SLC6A14: variants seen among roughly 807,000 people sequenced by gnomAD.
SLC6A14 encodes the protein solute carrier family 6 member 14, also known as sodium- and chloride-dependent neutral and basic amino acid transporter B(0+).
Under a neutral mutation model 51.4 loss-of-function variants are expected in SLC6A14, and 21 were observed. That is an observed-to-expected ratio of 0.41 (90% CI 0.29 to 0.59). The LOEUF (loss-of-function observed/expected upper bound fraction) is 0.59, where lower values mean the gene tolerates loss of function less well. Ranked by LOEUF, SLC6A14 falls within the 20% of genes least tolerant of loss-of-function variation. The pLI, the probability that SLC6A14 is intolerant of heterozygous loss-of-function variation, is 0.31. For missense variants in SLC6A14, 371 were observed against 472.8 expected (o/e 0.78, Z 2.00); for synonymous variants, 177 against 160.7 (o/e 1.10, Z -0.77).
Position 116,443,758 on chromosome X carries a change from G to A in SLC6A14, c.624G>A (p.Gln208=). The A allele has an allele frequency of 3.3e-6, 4 of 1,205,258 alleles. No individual in the cohort carries two copies. The highest frequency in any genetic ancestry group is 4.5e-6 in the Non-Finnish European group (4 of 892,256). The change falls in exon 5 of 14, where the codon CAG becomes CAA. Residue 208 remains glutamine, a synonymous_variant. Transcript: ENST00000598581. Reference sequence around the variant, plus strand: ...GCATCAACGGCAGTGAAATTTATCAGCCAGGGCAGCTTCCCAGTGAACAAT... The same window carrying A: ...GCATCAACGGCAGTGAAATTTATCAACCAGGGCAGCTTCCCAGTGAACAAT... ...FTCINGSEIY[Q]PGQLPSEQYW... is the part of the protein sequence containing the mutation.
At chrX:116,455,545 A>G (rs1927918067) in intron 12 of SLC6A14, 79 bp downstream of exon 12, 2 of 661,490 alleles carry the variant, frequency 3.0e-6, no homozygotes, top group Non-Finnish European at 4.7e-6. Context: ...CATTGAAGAC[A>G]AAAGGCAAAT....
At chrX:116,443,856 C>T (rs1439284054) in intron 5 of SLC6A14, 66 bp downstream of exon 5, 10 of 815,832 alleles carry the variant, frequency 1.2e-5, no homozygotes, top group Non-Finnish European at 1.7e-5. Context: ...AACAACAAAA[C>T]ATTAATCATC....
intron 2 of SLC6A14, among the ~76,000 whole-genome samples, chrX:116,438,379 G>A (rs1927526746): frequency 8.9e-6 from 1 of 111,915 alleles, no homozygotes; most frequent in East Asian, 2.8e-4. Context: ...TAAATTATTT[G>A]CTTAACTAAA....
chrX:116,448,307 T>G (rs1379498411), intron 7 of SLC6A14, among the ~76,000 whole-genome samples: 1 of 112,222 alleles, frequency 8.9e-6, no homozygotes, highest in Non-Finnish European at 1.9e-5. Context: ...CTTTAACTTA[T>G]TTTATATCTA....
chrX:116,437,889 A>G lies in SLC6A14; in HGVS notation c.148A>G (p.Ile50Val), dbSNP rs1556693395. 8.3e-7 allele frequency: 1 copy of G among 1,207,929 alleles called. No homozygotes were observed. ...AAAATCGGATTATCTTCTATCTATG[A>G]TTGGATACGCAGTGGGATTAGGAAA... ...SKKSDYLLSM[I>V]GYAVGLGNVW... The change falls in exon 2 of 14, where the codon ATT (isoleucine) becomes GTT (valine). Residue 50 changes from isoleucine (I) to valine (V), a missense_variant. By Grantham distance (29) the Ile-to-Val change is conservative. This residue lies in a region of SLC6A14 where 277 missense variants were observed against 391.8 expected (regional missense o/e 0.71). Coordinates refer to ENST00000598581, the MANE Select transcript of SLC6A14 (RefSeq NM_007231.5).
In SLC6A14 at chrX:116,454,832, A is replaced by G. The variant is rs781971877; in HGVS notation, c.1405-145A>G. The G allele has an allele frequency of 2.2e-5, 10 of 456,222 alleles. No homozygotes were observed. The African/African-American group carries it at 2.2e-4, about 10-fold the overall frequency. 37.6% of individuals were successfully genotyped at this position (456,222 alleles called of 1,213,427 possible). A position where few individuals can be genotyped will look rare whatever the true frequency, so the allele number is the denominator to read the frequency against. Reference sequence around the variant, plus strand: ...TATTTAAAGTCACATTTGAGTTTACATTTGAAACATTGCTTTTCGCATTTT... The same window carrying G: ...TATTTAAAGTCACATTTGAGTTTACGTTTGAAACATTGCTTTTCGCATTTT... On this transcript the variant is annotated intron_variant, in intron 10 of 13. Coordinates refer to ENST00000598581, the MANE Select transcript of SLC6A14 (RefSeq NM_007231.5).
intron 10 of SLC6A14, 129 bp downstream of exon 10, chrX:116,454,571 G>A (rs1927888178): frequency 2.2e-6 from 1 of 453,066 alleles, no homozygotes; most frequent in African/African-American, 2.5e-5. Flanking sequence ...AAGGTTTTCT[G>A]GGTTTTAGCC....
In SLC6A14 at chrX:116,455,075, T is replaced by C. The variant is rs1556694673; in HGVS notation, c.1503T>C (p.Tyr501=). ...ILELVGIIWI[Y]GGNRFIEDTE... ...AGCTAGTTGGAATCATCTGGATTTA[T>C]GGTAAATAGTAACTATAAAATTATT... Residue 501 remains tyrosine, a splice_region_variant and synonymous_variant, in exon 11 of 14, where the codon TAT becomes TAC. Coordinates refer to ENST00000598581, the MANE Select transcript of SLC6A14 (RefSeq NM_007231.5). 3.6e-6 allele frequency: 4 copies of C among 1,121,781 alleles called. No homozygotes were observed. In the South Asian group the frequency reaches 7.6e-5, roughly 21 times the overall value. 92.4% of individuals were successfully genotyped at this position (1,121,781 alleles called of 1,213,427 possible). A position where few individuals can be genotyped will look rare whatever the true frequency, so the allele number is the denominator to read the frequency against.
Position 116,442,694 on chromosome X carries a change from A to G in SLC6A14, c.354A>G (p.Gly118=). 9.1e-7 allele frequency: 1 copy of G among 1,094,206 alleles called. No homozygotes were observed. Among genetic ancestry groups the G allele is most frequent in the Non-Finnish European group, 1.2e-6 (1 of 837,510 alleles). The allele number at this position is 1,094,206 out of a possible 1,213,427, so 90.2% of individuals were successfully genotyped here. ...WRILPLFQGV[G]ITMVLISIFV... The stretch of plus-strand genomic sequence containing the variant: ...TTGTTCTTTTTTTTCCAGGTGTGGG[A>G]ATTACAATGGTCCTGATCTCCATTT... Residue 118 remains glycine, a synonymous_variant, in exon 4 of 14, where the codon GGA becomes GGG. Transcript: ENST00000598581.
intron 1 of SLC6A14, among the ~76,000 whole-genome samples, chrX:116,437,053 G>A (rs1556693334): frequency 9.0e-6 from 1 of 111,290 alleles, no homozygotes; most frequent in African/African-American, 3.3e-5. Flanking sequence ...AAAGTACACT[G>A]TTCTTAATTG....
chrX:116,438,728 T>C (rs961137864), intron 2 of SLC6A14, among the ~76,000 whole-genome samples: 75 of 112,241 alleles, frequency 6.7e-4, no homozygotes, highest in African/African-American at 2.3e-3. Context: ...TATTTACTCG[T>C]AATTACAGGT....
chrX:116,449,849 G>C (rs1165324949), intron 7 of SLC6A14, among the ~76,000 whole-genome samples: 1 of 111,799 alleles, frequency 8.9e-6, no homozygotes, highest in Non-Finnish European at 1.9e-5. Flanking sequence ...CCAATTGATA[G>C]AATTGACATC....
In SLC6A14 at chrX:116,444,995, T is replaced by A. The variant is rs1258506011; in HGVS notation, c.734T>A (p.Leu245Gln). 1 of 1,209,199 alleles carries A rather than the reference T, an allele frequency of 8.3e-7. No homozygotes were observed. Among genetic ancestry groups the A allele is most frequent in the Non-Finnish European group, 1.1e-6 (1 of 894,165 alleles). Residue 245 changes from leucine (L) to glutamine (Q), a missense_variant, in exon 6 of 14, where the codon CTG becomes CAG. This residue lies in a region of SLC6A14 where 277 missense variants were observed against 391.8 expected (regional missense o/e 0.71). Transcript: ENST00000598581. Reference protein sequence around the residue: ...IVWYLALCLLLAWLIVGAALF... With the variant: ...IVWYLALCLLQAWLIVGAALF... ...TGGTATTTAGCACTTTGTCTTCTTC[T>A]GGCTTGGCTCATAGTTGGAGCAGCA...
At chrX:116,453,779 A>G in intron 9 of SLC6A14, among the ~76,000 whole-genome samples, 1 of 111,286 alleles carries the variant, frequency 9.0e-6, no homozygotes, top group South Asian at 3.7e-4. Flanking sequence ...TTCTGAAACA[A>G]TTTTCATCCT....
chrX:116,446,967 A>G (rs2147387795), intron 7 of SLC6A14, 86 bp downstream of exon 7: 2 of 794,798 alleles, frequency 2.5e-6, no homozygotes, highest in Non-Finnish European at 3.7e-6. Context: ...TATGAATATC[A>G]TAATGTAATA....
intron 2 of SLC6A14, among the ~76,000 whole-genome samples, chrX:116,438,936 C>T (rs1389803521): frequency 1.8e-5 from 2 of 111,454 alleles, no homozygotes; most frequent in African/African-American, 3.3e-5. Context: ...TTTATTAAAC[C>T]GTTTAAGTGT....
intron 1 of SLC6A14, 140 bp from the exon 2 acceptor site, chrX:116,437,649 AC>A (rs782726744): frequency 6.8e-6 from 4 of 584,423 alleles, no homozygotes. Flanking sequence ...AATCTCCCCA[AC>A]TTTCTAAAGC....
rs1349539944 is a variant in SLC6A14 at position 116,446,805 on chromosome X, C to T, written c.854C>T (p.Thr285Ile). ...CTCATCCTGTTAGTACGAGGTGCAA[C>T]TCTGGAGGGTGCTTCAAAAGGCATT... ...VLLILLVRGA[T>I]LEGASKGISY... is the part of the protein sequence containing the mutation. The change falls in exon 7 of 14, where the codon ACT (threonine) becomes ATT (isoleucine). Residue 285 changes from threonine (T) to isoleucine (I), a missense_variant. Physicochemically the swap from Thr to Ile is moderately conservative, Grantham distance 89. Coordinates refer to ENST00000598581, the MANE Select transcript of SLC6A14 (RefSeq NM_007231.5). 8.3e-7 allele frequency: 1 copy of T among 1,202,299 alleles called. No individual in the cohort carries two copies.
At chrX:116,445,484 G>GAGAGAGAC (rs1377195891) in intron 6 of SLC6A14, among the ~76,000 whole-genome samples, 1 of 105,589 alleles carries the variant, frequency 9.5e-6, no homozygotes, top group African/African-American at 3.4e-5. Context: ...GAGAGAGAGA[G>GAGAGAGAC]AGAGAGAGAG....
Sources: allele counts gnomAD v4.1 joint callset (sites outside exome capture counted in the v4.1 genomes callset), GRCh38; gene constraint gnomAD v4.1.1; regional missense constraint gnomAD v4.1.1; transcripts MANE v1.5; gene names NCBI Gene and HGNC (gene_info 2026-07-23, HGNC 2026-07-21).